LIN28B: variants seen among roughly 807,000 people sequenced by gnomAD.
LIN28B encodes the protein lin-28 RNA binding posttranscriptional regulator B.
LIN28B carries 5 observed loss-of-function variants against 21.9 expected under a neutral mutation model. The ratio of observed to expected loss-of-function variants is 0.23; its 90% confidence interval spans 0.12 to 0.48. The LOEUF (loss-of-function observed/expected upper bound fraction) is 0.48. LIN28B is among the 20% of genes least tolerant of loss of function. LIN28B has a pLI of 0.98. For synonymous variants in LIN28B, 109 were observed against 111.3 expected, an observed-to-expected ratio of 0.98 and a Z score of 0.13; for missense variants, 245 against 310.5, an observed-to-expected ratio of 0.79 and a Z score of 1.58.
rs529882609 is a variant in LIN28B, at chr6:104,968,605, A to G, written c.198+10319A>G. 3.3e-5 allele frequency among the ~76,000 whole-genome samples: 5 copies of G among 152,240 alleles called. No homozygotes were observed. The East Asian group carries it at 5.8e-4, about 18-fold the overall frequency. On this transcript the variant is annotated intron_variant, in intron 2 of 3. Transcript: ENST00000345080. ...TTTGGTAATAACTCTTAAGATTGCT[A>G]TTTCGTTTTATGGTGTTATAGGATA...
At chr6:105,076,900 C>G (rs1352457952) in intron 3 of LIN28B, among the ~76,000 whole-genome samples, 1 of 151,772 alleles carries the variant, frequency 6.6e-6, no homozygotes, top group Non-Finnish European at 1.5e-5. Context: ...CACCGCCACC[C>G]AGCTAGTTAA....
At chr6:105,009,574 A>G (rs571908563) in intron 2 of LIN28B, among the ~76,000 whole-genome samples, 24 of 152,308 alleles carry the variant, frequency 1.6e-4, no homozygotes, top group South Asian at 1.0e-3. Context: ...AGAAAAGTAG[A>G]CACACTTTTG....
chr6:105,082,898 A>C lies in LIN28B; in HGVS notation c.*4115A>C, dbSNP rs1429629186. On this transcript the variant is annotated 3_prime_UTR_variant, in exon 4 of 4. Coordinates refer to ENST00000345080, the MANE Select transcript of LIN28B (RefSeq NM_001004317.4). ...GACTACCTCTTGAATCACATCTATC[A>C]ACCACTGGCACCTACCACCAAGCTG... 5 of 152,678 alleles carry C rather than the reference A, an allele frequency of 3.3e-5. No homozygotes were observed. The highest frequency in any genetic ancestry group is 1.3e-4 in the Admixed American group (2 of 15,286). 9.5% of individuals were successfully genotyped at this position (152,678 alleles called of 1,614,324 possible).
At chr6:104,937,156 C>T (rs1562555248) in intron 2 of LIN28B, 1 of 152,080 alleles carries the variant, frequency 6.6e-6, no homozygotes, top group Non-Finnish European at 1.5e-5. Flanking sequence ...TTCTTTCTTT[C>T]TGAGATAGGA....
chr6:104,984,817 G>A (rs934887638), intron 2 of LIN28B, among the ~76,000 whole-genome samples: 1 of 152,172 alleles, frequency 6.6e-6, no homozygotes, highest in African/African-American at 2.4e-5. Context: ...AATGTTATGA[G>A]TGACTTCTTT....
chr6:105,071,945 A>G (rs1303409189), intron 3 of LIN28B, among the ~76,000 whole-genome samples: 2 of 152,188 alleles, frequency 1.3e-5, no homozygotes, highest in Admixed American at 6.5e-5. Context: ...GGAGAGATGA[A>G]AAGAAAATTC....
At chr6:105,076,473 C>T (rs1772426433) in intron 3 of LIN28B, among the ~76,000 whole-genome samples, 4 of 152,108 alleles carry the variant, frequency 2.6e-5, no homozygotes, top group Non-Finnish European at 5.9e-5. Context: ...GTTGTTAGTA[C>T]CTTAGTAGTT....
intron 3 of LIN28B, among the ~76,000 whole-genome samples, chr6:105,060,212 GT>G (rs1437016411): frequency 1.3e-5 from 2 of 151,866 alleles, no homozygotes; most frequent in Admixed American, 1.3e-4. Context: ...CTTTTACTCT[GT>G]TTTTTAATAA....
At chr6:104,954,504 C>T (rs570120418), upstream of LIN28B, among the ~76,000 whole-genome samples, 1 of 152,232 alleles carries the variant, frequency 6.6e-6, no homozygotes, top group East Asian at 1.9e-4. Context: ...CTTCCTTTTC[C>T]CTCTACCCTT....
chr6:105,020,107 C>CTTTTTTTTTT (rs1158938023), intron 2 of LIN28B, among the ~76,000 whole-genome samples: 22 of 87,590 alleles, frequency 2.5e-4, no homozygotes, highest in African/African-American at 5.7e-4. Flanking sequence ...TCCTGTTATT[C>CTTTTTTTTTT]TTTTTTTTTT....
chr6:105,017,350 C>G (rs994150121), intron 2 of LIN28B, among the ~76,000 whole-genome samples: 14 of 152,230 alleles, frequency 9.2e-5, no homozygotes, highest in African/African-American at 2.9e-4. Flanking sequence ...TGAATAGATT[C>G]TCCATACATG....
At chr6:104,987,178 A>G (rs1001827721) in intron 2 of LIN28B, among the ~76,000 whole-genome samples, 2 of 152,122 alleles carry the variant, frequency 1.3e-5, no homozygotes, top group African/African-American at 4.8e-5. Flanking sequence ...GGTCTTGTAA[A>G]TCTTTAATTA....
At chr6:105,073,240 A>G (rs1183805479) in intron 3 of LIN28B, among the ~76,000 whole-genome samples, 2 of 152,194 alleles carry the variant, frequency 1.3e-5, no homozygotes, top group East Asian at 1.9e-4. Flanking sequence ...GAGGAATGTT[A>G]TTAGTATCAT....
In LIN28B at chr6:104,940,489, G is replaced by C. The variant is rs71572240; in HGVS notation, c.18+3373G>C. The C allele has an allele frequency of 8.9e-3, 1,360 of 153,390 alleles. 9 individuals carry two copies. The highest frequency in any genetic ancestry group is 0.026 in the Middle Eastern group (35 of 1,366). 9.5% of individuals were successfully genotyped at this position (153,390 alleles called of 1,614,324 possible). ...GGCCTGCGCGGGGACGCGCTTCGGG[G>C]GTTCGGGGGCGCCCGCGGTAAAGCT... On this transcript the variant is annotated intron_variant, in intron 2 of 5. Transcript: ENST00000635857.
intron 2 of LIN28B, among the ~76,000 whole-genome samples, chr6:104,962,249 T>C (rs1001493684): frequency 6.6e-6 from 1 of 152,122 alleles, no homozygotes; most frequent in African/African-American, 2.4e-5. Context: ...GCATAATGTA[T>C]GTATCTCTTT....
At chr6:105,038,215 G>C (rs1771563450) in intron 3 of LIN28B, among the ~76,000 whole-genome samples, 1 of 152,196 alleles carries the variant, frequency 6.6e-6, no homozygotes, top group South Asian at 2.1e-4. Flanking sequence ...CGTTATGTGG[G>C]AGTTGCAGGG....
chr6:104,960,566 G>A (rs1399736752), intron 2 of LIN28B, among the ~76,000 whole-genome samples: 2 of 151,734 alleles, frequency 1.3e-5, no homozygotes, highest in African/African-American at 4.8e-5. Flanking sequence ...TAAAATATAT[G>A]ACATAGTTTT....
intron 2 of LIN28B, among the ~76,000 whole-genome samples, chr6:104,988,588 T>TC (rs60179732): frequency 2.7e-5 from 4 of 150,806 alleles, no homozygotes; most frequent in Non-Finnish European, 4.4e-5. Context: ...TTTTTTTTTT[T>TC]CTGAGACAGA....
At position 104,988,733 on chromosome 6, in the gene LIN28B, T is replaced by C. The variant is rs896520866; in HGVS notation, c.198+30447T>C. Among the ~76,000 whole-genome samples the C allele has an allele frequency of 3.3e-5, 5 of 152,070 alleles. No homozygotes were observed. The East Asian group carries it at 5.8e-4, about 18-fold the overall frequency. ...GTTGAGCTTACAGGTGCTGCCACCA[T>C]GTCCGGCTAATTTTTTTGTATTTTT... On this transcript the variant is annotated intron_variant, in intron 2 of 3. Transcript: ENST00000345080.
Sources: gnomAD v4.1 joint callset for allele counts (sites outside exome capture counted in the v4.1 genomes callset) on GRCh38, gnomAD v4.1.1 for gene constraint, MANE v1.5 for transcripts, NCBI Gene and HGNC (gene_info 2026-07-23, HGNC 2026-07-21) for gene names.